Variants in SVIL observed in about 807,000 individuals in gnomAD.
SVIL encodes the protein supervillin.
SVIL carries 101 observed loss-of-function variants against 240.4 expected under a neutral mutation model. That is an observed-to-expected ratio of 0.42 (90% CI 0.36 to 0.50). The LOEUF (loss-of-function observed/expected upper bound fraction) is 0.50, where lower values mean the gene tolerates loss of function less well. Among genes scored for constraint, SVIL ranks in the 20% least tolerant of loss-of-function variants. The probability of loss-of-function intolerance (pLI) is 0.01; values close to 1 mark genes in which losing one functional copy is unlikely to be tolerated. For synonymous variants in SVIL, 999 were observed against 1,100.0 expected (o/e 0.91, Z 1.82); for missense variants, 2,512 against 2,818.7 (o/e 0.89, Z 2.46).
At chr10:29,553,871 G>A (rs1333001509) in intron 5 of SVIL, among the ~76,000 whole-genome samples, 1 of 152,128 alleles carries the variant, frequency 6.6e-6, no homozygotes, top group Non-Finnish European at 1.5e-5. Flanking sequence ...CTCATTCAAG[G>A]TGCAGCTTTG....
chr10:29,696,747 T>C (rs1232243437), intron 1 of SVIL, among the ~76,000 whole-genome samples: 3 of 146,748 alleles, frequency 2.0e-5, no homozygotes, highest in African/African-American at 7.6e-5. Context: ...GAGGAGCCCC[T>C]CCGCCTGGCT....
intron 5 of SVIL, among the ~76,000 whole-genome samples, chr10:29,551,841 T>G (rs1423657699): frequency 6.6e-6 from 1 of 152,154 alleles, no homozygotes; most frequent in Non-Finnish European, 1.5e-5. Context: ...CCTGGCATAG[T>G]GGCTCACACC....
intron 17 of SVIL, among the ~76,000 whole-genome samples, chr10:29,507,257 G>C (rs1326867618): frequency 6.6e-6 from 1 of 152,118 alleles, no homozygotes; most frequent in African/African-American, 2.4e-5. Context: ...TCTATGAACT[G>C]AGTAGGACAA....
chr10:29,527,639 A>G (rs1470683893), intron 12 of SVIL, among the ~76,000 whole-genome samples: 1 of 147,198 alleles, frequency 6.8e-6, no homozygotes, highest in Non-Finnish European at 1.5e-5. Flanking sequence ...GTTGGCCAGG[A>G]TGGTCTTGAT....
At chr10:29,548,339 T>A (rs1311117292) in intron 6 of SVIL, among the ~76,000 whole-genome samples, 1 of 152,178 alleles carries the variant, frequency 6.6e-6, no homozygotes, top group African/African-American at 2.4e-5. Context: ...CCTTCTCAAT[T>A]CACCTGGGAA....
At chr10:29,491,696 A>C (rs1588961896) in intron 21 of SVIL, among the ~76,000 whole-genome samples, 1 of 151,242 alleles carries the variant, frequency 6.6e-6, no homozygotes, top group African/African-American at 2.4e-5. Flanking sequence ...CTCCCAACAG[A>C]CTCCTGCTGC....
At chr10:29,625,050 C>T (rs1957811163) in intron 1 of SVIL, among the ~76,000 whole-genome samples, 1 of 151,916 alleles carries the variant, frequency 6.6e-6, no homozygotes, top group African/African-American at 2.4e-5. Flanking sequence ...ATAGAAGTGA[C>T]CAGGTGAATC....
In SVIL at chr10:29,512,772, A is replaced by T; in HGVS notation, c.3479T>A (p.Leu1160Gln). Residue 1160 changes from leucine (L) to glutamine (Q), a missense_variant, in exon 17 of 38, where the codon CTG becomes CAG. Coordinates refer to ENST00000355867, the MANE Select transcript of SVIL (RefSeq NM_021738.3). ...QEGGKAPASS[L>Q]HTQEAGRSLI... ...GGACCGCCCTGCTTCCTGGGTGTGC[A>T]GGCTGCTGGCCGGCGCCTTGCCGCC... 1 of 1,613,926 alleles carries T rather than the reference A, an allele frequency of 6.2e-7. No individual in the cohort carries two copies. The highest frequency in any genetic ancestry group is 8.5e-7 in the Non-Finnish European group (1 of 1,180,042).
At chr10:29,700,112 T>C (rs1962393684) in intron 1 of SVIL, among the ~76,000 whole-genome samples, 1 of 152,194 alleles carries the variant, frequency 6.6e-6, no homozygotes. Context: ...AAGGATGGGT[T>C]CAAAGTGTAG....
In SVIL at chr10:29,484,900, G is replaced by C. The variant is rs963691187; in HGVS notation, c.4780-69C>G. 7 of 1,490,444 alleles carry C rather than the reference G, an allele frequency of 4.7e-6. No individual in the cohort carries two copies. The highest frequency in any genetic ancestry group is 6.4e-6 in the Non-Finnish European group (7 of 1,102,028). The allele number at this position is 1,490,444 out of a possible 1,614,324, so 92.3% of individuals were successfully genotyped here. On this transcript the variant is annotated intron_variant, in intron 26 of 37. Coordinates refer to ENST00000355867, the MANE Select transcript of SVIL (RefSeq NM_021738.3). This position sits in a 1 kb window ranked among gnomAD's most constrained non-coding sequence, Gnocchi z 4.7. ...GCAACAGTTGAATCAGGTGCAACAGGGTCTCTTGTTGACAGTGAGTCAAAC... is the reference window on the plus strand; with the variant it reads ...GCAACAGTTGAATCAGGTGCAACAGCGTCTCTTGTTGACAGTGAGTCAAAC...
At chr10:29,699,668 T>G (rs926747487) in intron 1 of SVIL, among the ~76,000 whole-genome samples, 1 of 152,154 alleles carries the variant, frequency 6.6e-6, no homozygotes, top group African/African-American at 2.4e-5. Context: ...ACAAAGACGT[T>G]TTGCTTTTTC....
At chr10:29,589,578 C>G (rs1956305910) in intron 1 of SVIL, among the ~76,000 whole-genome samples, 1 of 152,142 alleles carries the variant, frequency 6.6e-6, no homozygotes, top group African/African-American at 2.4e-5. Flanking sequence ...CAGCTGCCGG[C>G]TTTGGGGGCT....
In SVIL at chr10:29,522,440, G is replaced by T. The variant is rs1299101701; in HGVS notation, c.3359C>A (p.Ser1120Ter). 1 of 1,614,008 alleles carries T rather than the reference G, an allele frequency of 6.2e-7. No homozygotes were observed. The highest frequency in any genetic ancestry group is 1.7e-5 in the Admixed American group (1 of 59,990). ...KTPTGEGLLD[S>*]PSKTMSIKER... ...TTTAATAGACATGGTTTTGCTGGGTGAGTCAAGAAGGCCCTCCCCTGTCGG... is the reference window on the plus strand; with the variant it reads ...TTTAATAGACATGGTTTTGCTGGGTTAGTCAAGAAGGCCCTCCCCTGTCGG... Residue 1120 changes from serine to a stop codon, truncating the protein, a stop_gained, in exon 16 of 38, where the codon TCA becomes TAA. Transcript: ENST00000355867. LOFTEE classifies it high-confidence loss of function.
chr10:29,606,090 T>C (rs1957009956), intron 1 of SVIL, among the ~76,000 whole-genome samples: 1 of 152,098 alleles, frequency 6.6e-6, no homozygotes, highest in Admixed American at 6.5e-5. Flanking sequence ...TTTGTATTTT[T>C]GGTAGAGATG....
Position 29,735,539 on chromosome 10 carries a change from C to A in SVIL, c.-400+212G>T, listed in dbSNP as rs1964854575. On this transcript the variant is annotated intron_variant, in intron 1 of 35. Coordinates refer to the SVIL transcript ENST00000375400. The surrounding 1 kb of genome is among the most constrained non-coding windows in gnomAD (Gnocchi z 4.1). ...GCTCGGGGACCCCGCGGGCCGAGCG[C>A]AGCGCCCCGTCGCAGCGGCCCGGGC... Among the ~76,000 whole-genome samples, 1 of 150,330 alleles carries A rather than the reference C, an allele frequency of 6.7e-6. No individual in the cohort carries two copies. The highest frequency in any genetic ancestry group is 2.4e-5 in the African/African-American group (1 of 41,102).
chr10:29,488,772 A>G lies in SVIL; in HGVS notation c.4193-16T>C. 1 of 1,608,306 alleles carries G rather than the reference A, an allele frequency of 6.2e-7. No individual in the cohort carries two copies. The highest frequency in any genetic ancestry group is 8.5e-7 in the Non-Finnish European group (1 of 1,178,142). On this transcript the variant is annotated splice_polypyrimidine_tract_variant and intron_variant, in intron 22 of 37. Transcript: ENST00000355867. ...TTGGAAGACACTGGGCACGTTGAAT[A>G]AGGAAACACAACGCAGGAGGTTCAG...
intron 16 of SVIL, among the ~76,000 whole-genome samples, chr10:29,514,349 G>T (rs1379468784): frequency 6.6e-6 from 1 of 151,260 alleles, no homozygotes; most frequent in Non-Finnish European, 1.5e-5. Context: ...CGACAATCCT[G>T]CCTCGGCCTC....
intron 1 of SVIL, among the ~76,000 whole-genome samples, chr10:29,591,912 C>A (rs920209910): frequency 3.9e-5 from 6 of 152,194 alleles, no homozygotes; most frequent in Admixed American, 6.5e-5. Context: ...ACTGCTAGTA[C>A]CTTACATGGT....
At chr10:29,470,987 T>C (rs969094167) in intron 31 of SVIL, 151 bp downstream of exon 31, 23 of 726,520 alleles carry the variant, frequency 3.2e-5, no homozygotes, top group Middle Eastern at 3.4e-4. Flanking sequence ...TGAGCACCCA[T>C]AGAGCTGAGT....
Sources: gnomAD v4.1 joint callset for allele counts (sites outside exome capture counted in the v4.1 genomes callset) on GRCh38, gnomAD v4.1.1 for gene constraint, Gnocchi (gnomAD v3.1) non-coding constraint, MANE v1.5 for transcripts, NCBI Gene and HGNC (gene_info 2026-07-23, HGNC 2026-07-21) for gene names.